ULK1: variants seen among roughly 807,000 people sequenced by gnomAD.
ULK1 encodes unc-51 like autophagy activating kinase 1.
A neutral mutation model predicts 117.5 loss-of-function variants in ULK1; 48 were observed. The observed-to-expected ratio is 0.41, with a 90% confidence interval of 0.32 to 0.52. The LOEUF (loss-of-function observed/expected upper bound fraction) is 0.52. Ranked by LOEUF, ULK1 falls within the 20% of genes least tolerant of loss-of-function variation. ULK1 has a pLI of 0.29. For synonymous variants in ULK1, 790 were observed against 637.8 expected, an observed-to-expected ratio of 1.24 and a Z score of -3.60; for missense variants, 1,387 against 1,473.4, an observed-to-expected ratio of 0.94 and a Z score of 0.96.
intron 22 of ULK1, among the ~76,000 whole-genome samples, chr12:131,917,959 G>A (rs1258737041): frequency 6.6e-6 from 1 of 152,204 alleles, no homozygotes; most frequent in Non-Finnish European, 1.5e-5. Context: ...GTGGTGTGTG[G>A]GGATGCTCTG....
chr12:131,917,363 G>T (rs746508348), intron 21 of ULK1, 48 bp from the exon 22 acceptor site: 4 of 1,395,698 alleles, frequency 2.9e-6, no homozygotes, highest in Non-Finnish European at 3.7e-6. Context: ...TGTGGGATGG[G>T]GGTCGGCGGG....
chr12:131,917,026 A>G lies in ULK1; in HGVS notation c.2146A>G (p.Ser716Gly), dbSNP rs1487345390. 1 of 1,499,750 alleles carries G rather than the reference A, an allele frequency of 6.7e-7. No individual in the cohort carries two copies. Among genetic ancestry groups the G allele is most frequent in the South Asian group, 1.1e-5 (1 of 88,744 alleles). The allele number at this position is 1,499,750 out of a possible 1,614,324, so 92.9% of individuals were successfully genotyped here. The change falls in exon 21 of 28, where the codon AGC becomes GGC. Residue 716 changes from serine to glycine, a missense_variant. By Grantham distance (56) the Ser-to-Gly change is moderately conservative. This residue lies in a region of ULK1 where 900 missense variants were observed against 858.9 expected (regional missense o/e 1.05). Transcript: ENST00000321867. ...TGGGACACAAGCCCCGGACCCGGGC[A>G]GCACGGAGAGCCTGCAGGAGAAGCC... ...AFGTQAPDPG[S>G]TESLQEKPME...
chr12:131,906,885 C>T lies in ULK1; in HGVS notation c.247-7C>T. The T allele has an allele frequency of 6.2e-7, 1 of 1,614,098 alleles. No individual in the cohort carries two copies. ...GGACCTCTCACAGCCTCTTTTCTGT[C>T]TTGCAGGAAATGGCTAATTCTGTCT... On this transcript the variant is annotated splice_region_variant and splice_polypyrimidine_tract_variant and intron_variant, in intron 3 of 27. Coordinates refer to ENST00000321867, the MANE Select transcript of ULK1 (RefSeq NM_003565.4).
At chr12:131,913,072 C>T (rs750769148) in intron 13 of ULK1, 126 bp from the exon 14 acceptor site, 41 of 859,510 alleles carry the variant, frequency 4.8e-5, no homozygotes, top group Non-Finnish European at 6.5e-5. Flanking sequence ...CCCGCAAGGC[C>T]GCTGTACGAG....
intron 13 of ULK1, 106 bp downstream of exon 13, chr12:131,912,195 T>C: frequency 6.9e-7 from 1 of 1,459,250 alleles, no homozygotes. Flanking sequence ...TTATGGGCAG[T>C]TAGGATGGGC....
intron 12 of ULK1, 119 bp downstream of exon 12, chr12:131,910,919 ACATGGATGAGTT>A: frequency 6.7e-7 from 1 of 1,489,630 alleles, no homozygotes; most frequent in East Asian, 2.5e-5. Context: ...GTCACGAAAG[ACATGGATGAGTT>A]CATTCTGTCA....
At chr12:131,915,562 ACCT>A in intron 18 of ULK1, 141 bp downstream of exon 18, 1 of 1,088,440 alleles carries the variant, frequency 9.2e-7, no homozygotes, top group Non-Finnish European at 1.3e-6. Context: ...CTGCCTCTCC[ACCT>A]CCTGGCTGTG....
At chr12:131,905,301 C>G (rs1889229929) in intron 3 of ULK1, among the ~76,000 whole-genome samples, 1 of 152,156 alleles carries the variant, frequency 6.6e-6, no homozygotes, top group Admixed American at 6.5e-5. Flanking sequence ...ATGAAGCAGG[C>G]ATCACCCAGT....
chr12:131,910,587 C>T, intron 11 of ULK1, 125 bp from the exon 12 acceptor site: 1 of 1,593,922 alleles, frequency 6.3e-7, no homozygotes, highest in East Asian at 2.2e-5. Context: ...TCCCTCCTTC[C>T]TGCTGGTCGG....
Position 131,906,940 on chromosome 12 carries a change from T to G in ULK1, c.279+16T>G. ...GGTTATGGAGGTGAGTGCCTTGTGG[T>G]GCCAGGACAAGTGCAGGCTGATGGC... On this transcript the variant is annotated intron_variant, in intron 4 of 27. Coordinates refer to ENST00000321867, the MANE Select transcript of ULK1 (RefSeq NM_003565.4). 3.1e-6 allele frequency: 5 copies of G among 1,614,068 alleles called. No individual in the cohort carries two copies. Among genetic ancestry groups the G allele is most frequent in the Non-Finnish European group, 4.2e-6 (5 of 1,180,000 alleles).
intron 13 of ULK1, 137 bp from the exon 14 acceptor site, chr12:131,913,061 C>G: frequency 1.5e-5 from 11 of 748,584 alleles, no homozygotes; most frequent in Non-Finnish European, 2.2e-5. Context: ...AGGCTCTGCC[C>G]CCCGCAAGGC....
rs896860298 is a variant in ULK1, at chr12:131,909,702, A to AACG, written c.667-72_667-70dup. On this transcript the variant is annotated intron_variant, in intron 8 of 27. Transcript: ENST00000321867. Reference sequence around the variant, plus strand: ...CTGGGGCAGGGGCCGACTGGGGACGAACGCACCGAGACCCCGTGGGCTGGT... The same window carrying AACG: ...CTGGGGCAGGGGCCGACTGGGGACGAACGACGCACCGAGACCCCGTGGGCTGGT... 38 of 1,425,636 alleles carry AACG rather than the reference A, an allele frequency of 2.7e-5. 1 individual carries two copies. The Middle Eastern group carries it at 1.1e-3, about 41-fold the overall frequency. The allele number at this position is 1,425,636 out of a possible 1,614,324, so 88.3% of individuals were successfully genotyped here.
intron 3 of ULK1, among the ~76,000 whole-genome samples, chr12:131,904,802 T>G (rs1327336958): frequency 6.6e-6 from 1 of 152,006 alleles, no homozygotes; most frequent in Non-Finnish European, 1.5e-5. Flanking sequence ...CTGGAGGGGC[T>G]GTGGGGAGGG....
chr12:131,916,650 T>C, intron 20 of ULK1, 59 bp downstream of exon 20: 1 of 1,452,748 alleles, frequency 6.9e-7, no homozygotes, highest in Non-Finnish European at 9.1e-7. Flanking sequence ...TTCCCCTGCA[T>C]TGTTCTGCTG....
At chr12:131,898,606 A>G (rs1769599176) in intron 3 of ULK1, among the ~76,000 whole-genome samples, 1 of 151,562 alleles carries the variant, frequency 6.6e-6, no homozygotes, top group African/African-American at 2.4e-5. Context: ...GGTCCAAGCG[A>G]TCCTCCTGCC....
rs901247481 is a variant in ULK1 at position 131,915,512 on chromosome 12, T to A, written c.1609+91T>A. 34 of 1,444,488 alleles carry A rather than the reference T, an allele frequency of 2.4e-5. No homozygotes were observed. In the South Asian group the frequency reaches 4.4e-4, roughly 18 times the overall value. The allele number at this position is 1,444,488 out of a possible 1,614,324, so 89.5% of individuals were successfully genotyped here. The stretch of plus-strand genomic sequence containing the variant: ...GTCTAAAGCCCTTGCTCTTTCCAAG[T>A]GAAAAGGAGTGGGAAGGAAGCTGGT... On this transcript the variant is annotated intron_variant, in intron 18 of 27. Coordinates refer to ENST00000321867, the MANE Select transcript of ULK1 (RefSeq NM_003565.4).
intron 26 of ULK1, 79 bp from the exon 27 acceptor site, chr12:131,921,017 GCCGC>G (rs2136416714): frequency 6.8e-7 from 1 of 1,471,060 alleles, no homozygotes; most frequent in Non-Finnish European, 9.0e-7. Context: ...CCACCCCTGG[GCCGC>G]TGCCGTGGGT....
Position 131,909,790 on chromosome 12 carries a change from G to C in ULK1, c.682G>C (p.Asp228His), listed in dbSNP as rs1889445551. ...GTCCCCGCAGGCCAGCAGCCCCCAG[G>C]ACCTGCGCCTGTTCTACGAGAAGAA... ...KAPFQASSPQ[D>H]LRLFYEKNKT... The change falls in exon 9 of 28, where the codon GAC (aspartate) becomes CAC (histidine). Residue 228 changes from aspartate to histidine, a missense_variant. Around this residue, in one of 4 missense-constraint regions of ULK1, gnomAD observed 260 missense variants for 271.6 expected, o/e 0.96. Transcript: ENST00000321867. 15 of 1,609,800 alleles carry C rather than the reference G, an allele frequency of 9.3e-6. No individual in the cohort carries two copies. The highest frequency in any genetic ancestry group is 1.3e-5 in the Non-Finnish European group (15 of 1,178,726).
chr12:131,905,027 G>C (rs1460500260), intron 3 of ULK1, among the ~76,000 whole-genome samples: 3 of 152,150 alleles, frequency 2.0e-5, no homozygotes, highest in African/African-American at 7.2e-5. Flanking sequence ...GGCCAGGCGG[G>C]GCTTGGGGTG....
Sources: gnomAD v4.1 joint callset for allele counts (sites outside exome capture counted in the v4.1 genomes callset) on GRCh38, gnomAD v4.1.1 for gene constraint, gnomAD v4.1.1 regional missense constraint, MANE v1.5 for transcripts, NCBI Gene and HGNC (gene_info 2026-07-23, HGNC 2026-07-21) for gene names.